Variants in COBL observed in about 807,000 individuals in gnomAD.
The protein encoded by COBL is protein cordon-bleu.
Under a neutral mutation model 98.8 loss-of-function variants are expected in COBL, and 51 were observed. The observed-to-expected ratio is 0.52, with a 90% CI of 0.41 to 0.65. The LOEUF (loss-of-function observed/expected upper bound fraction) is 0.65, where lower values mean the gene tolerates loss of function less well. Ranked by LOEUF, COBL falls within the 30% of genes least tolerant of loss-of-function variation. The pLI, the probability that COBL is intolerant of heterozygous loss-of-function variation, is 0.00. For missense variants in COBL, 1,617 were observed against 1,617.5 expected, an observed-to-expected ratio of 1.00 and a Z score of 0.01; for synonymous variants, 634 against 651.7, an observed-to-expected ratio of 0.97 and a Z score of 0.41.
At chr7:51,294,759 T>C (rs1213394892) in intron 1 of COBL, among the ~76,000 whole-genome samples, 3 of 151,994 alleles carry the variant, frequency 2.0e-5, no homozygotes, top group Admixed American at 2.0e-4. Flanking sequence ...GGTCCAGCAA[T>C]ATAAGCATGT....
intron 6 of COBL, among the ~76,000 whole-genome samples, chr7:51,088,299 C>T (rs113079307): frequency 0.058 from 8,846 of 151,876 alleles, 333 homozygotes; most frequent in Middle Eastern, 0.17. Context: ...ATTCAATTGT[C>T]TATTTTTTTC....
intron 7 of COBL, among the ~76,000 whole-genome samples, chr7:51,078,372 C>T (rs188750771): frequency 1.6e-4 from 25 of 152,218 alleles, no homozygotes; most frequent in Admixed American, 1.4e-3. Flanking sequence ...TTGCTCCCAG[C>T]CTTAGGGGGA....
chr7:51,090,554 G>A (rs1249728626), intron 6 of COBL, among the ~76,000 whole-genome samples: 2 of 152,220 alleles, frequency 1.3e-5, no homozygotes, highest in Non-Finnish European at 2.9e-5. Context: ...TGGGAGCACT[G>A]ATGGGAAACT....
chr7:51,176,361 T>C (rs1167313408), intron 5 of COBL, among the ~76,000 whole-genome samples: 1 of 152,036 alleles, frequency 6.6e-6, no homozygotes, highest in East Asian at 1.9e-4. Context: ...AGTCAAAAGG[T>C]AACTTAATGA....
At chr7:51,221,372 G>A (rs1793623512) in intron 1 of COBL, among the ~76,000 whole-genome samples, 1 of 152,106 alleles carries the variant, frequency 6.6e-6, no homozygotes, top group South Asian at 2.1e-4. Flanking sequence ...GCTCAAAGAT[G>A]GTCATCACGA....
intron 1 of COBL, among the ~76,000 whole-genome samples, chr7:51,267,186 T>A (rs1341886128): frequency 6.6e-6 from 1 of 152,202 alleles, no homozygotes; most frequent in Non-Finnish European, 1.5e-5. Context: ...AATAAAAATC[T>A]GAAACCCTTG....
intron 7 of COBL, among the ~76,000 whole-genome samples, chr7:51,047,570 A>T (rs1403148463): frequency 1.3e-5 from 2 of 152,218 alleles, no homozygotes; most frequent in African/African-American, 4.8e-5. Context: ...ACGCAAATTA[A>T]AGATCTTGTG....
chr7:51,047,887 C>T (rs186556554), intron 7 of COBL, among the ~76,000 whole-genome samples: 47,019 of 151,870 alleles, frequency 0.31, 7,948 homozygotes, highest in East Asian at 0.45. Flanking sequence ...TTTGTGGGGG[C>T]CAGGTGCAGT....
intron 10 of COBL, 58 bp downstream of exon 10, chr7:51,027,654 A>C: frequency 7.3e-7 from 1 of 1,374,566 alleles, no homozygotes; most frequent in Non-Finnish European, 1.0e-6. Flanking sequence ...AGACTCTGAG[A>C]CCAGTGCACT....
At chr7:51,173,146 C>T (rs754017201) in intron 5 of COBL, among the ~76,000 whole-genome samples, 26 of 152,124 alleles carry the variant, frequency 1.7e-4, no homozygotes, top group Middle Eastern at 3.4e-3. Context: ...GGTCAGCAAG[C>T]AAATTAATTA....
In COBL at chr7:51,230,889, T is replaced by C. The variant is rs77969049; in HGVS notation, c.42-10945A>G. Among the ~76,000 whole-genome samples the C allele has an allele frequency of 7.9e-3, 1,200 of 152,230 alleles. 5 individuals carry two copies. Among genetic ancestry groups the C allele is most frequent in the Non-Finnish European group, 0.013 (907 of 68,010 alleles). ...CCCTCACCAGCCTTCAGTGAGTGAA[T>C]GAATGGAGTAAAGTCACAAAAGAGG... On this transcript the variant is annotated intron_variant, in intron 1 of 12. Coordinates refer to ENST00000265136, the MANE Select transcript of COBL (RefSeq NM_015198.5).
chr7:51,209,368 C>T (rs1389441571), intron 2 of COBL, among the ~76,000 whole-genome samples: 1 of 152,210 alleles, frequency 6.6e-6, no homozygotes, highest in Non-Finnish European at 1.5e-5. Context: ...ATACTAGACA[C>T]CCCTGGGAAG....
intron 5 of COBL, among the ~76,000 whole-genome samples, chr7:51,142,459 C>T (rs1799859546): frequency 7.0e-6 from 1 of 142,924 alleles, no homozygotes; most frequent in Non-Finnish European, 1.5e-5. Context: ...TCTGGGCTCA[C>T]TGCAACCTCT....
At chr7:51,176,011 G>C (rs1788339519) in intron 5 of COBL, among the ~76,000 whole-genome samples, 1 of 152,144 alleles carries the variant, frequency 6.6e-6, no homozygotes. Flanking sequence ...TCTGGACCTT[G>C]TATACAGACG....
chr7:51,243,397 G>T (rs555127632), intron 1 of COBL, among the ~76,000 whole-genome samples: 3 of 152,284 alleles, frequency 2.0e-5, no homozygotes, highest in Non-Finnish European at 4.4e-5. Flanking sequence ...TCATGGGACT[G>T]CAAAGCACTC....
chr7:51,087,778 C>CTTTTT (rs34922133), intron 6 of COBL, among the ~76,000 whole-genome samples: 3 of 117,280 alleles, frequency 2.6e-5, no homozygotes, highest in Non-Finnish European at 3.4e-5. Context: ...CCGGCCCCGC[C>CTTTTT]TTTTTTTTTT....
chr7:51,036,009 T>C (rs965820455), intron 8 of COBL: 2 of 152,190 alleles, frequency 1.3e-5, no homozygotes, highest in African/African-American at 2.4e-5. Flanking sequence ...GGATCCCCCA[T>C]AGATACCAAA....
intron 6 of COBL, among the ~76,000 whole-genome samples, chr7:51,131,633 G>A (rs1480033770): frequency 6.2e-5 from 9 of 144,062 alleles, no homozygotes; most frequent in East Asian, 2.0e-4. Flanking sequence ...TCACTCTTTC[G>A]CCCAGGCTAG....
At position 51,184,695 on chromosome 7, in the gene COBL, C is replaced by T. The variant is rs1789317212; in HGVS notation, c.686-496G>A. 2.0e-5 allele frequency among the ~76,000 whole-genome samples: 3 copies of T among 152,184 alleles called. No individual in the cohort carries two copies. In the South Asian group the frequency reaches 6.2e-4, roughly 31 times the overall value. On this transcript the variant is annotated intron_variant, in intron 4 of 12. Transcript: ENST00000265136. ...GTTTTGGTGCTAAGTCTTCACAATC[C>T]AGCAGCCCTTTAGGCTTACAGCATA...
Sources: allele counts gnomAD v4.1 joint callset (sites outside exome capture counted in the v4.1 genomes callset), GRCh38; gene constraint gnomAD v4.1.1; transcripts MANE v1.5; gene names NCBI Gene and HGNC (gene_info 2026-07-23, HGNC 2026-07-21).